KIAA0232: variants seen among roughly 807,000 people sequenced by gnomAD.
KIAA0232 encodes KIAA0232, also known as uncharacterized protein KIAA0232.
Under a neutral mutation model 122.0 loss-of-function variants are expected in KIAA0232, and 27 were observed. The observed-to-expected ratio is 0.22, with a 90% CI of 0.16 to 0.31. KIAA0232 has a LOEUF of 0.31. KIAA0232 is among the 10% of genes least tolerant of loss of function. The probability of loss-of-function intolerance (pLI) is 1.00; values close to 1 mark genes in which losing one functional copy is unlikely to be tolerated. For synonymous variants in KIAA0232, 613 were observed against 587.6 expected (o/e 1.04, Z -0.63); for missense variants, 1,551 against 1,634.2 (o/e 0.95, Z 0.88).
In KIAA0232 at chr4:6,876,630, CTT is replaced by C. The variant is rs765284293; in HGVS notation, c.3911-27_3911-26del. On this transcript the variant is annotated intron_variant, in intron 8 of 9. Coordinates refer to ENST00000307659, the MANE Select transcript of KIAA0232 (RefSeq NM_014743.3). Reference sequence around the variant, plus strand: ...CTTAATGGAATTTCCCCCTTTCCCTCTTTTCCCTTCTCCATTCCAAATGATTA... The same window carrying C: ...CTTAATGGAATTTCCCCCTTTCCCTCTTCCCTTCTCCATTCCAAATGATTA... 2.8e-5 allele frequency: 40 copies of C among 1,418,080 alleles called. No individual in the cohort carries two copies. In the South Asian group the frequency reaches 4.5e-4, roughly 16 times the overall value. The allele number at this position is 1,418,080 out of a possible 1,614,324, so 87.8% of individuals were successfully genotyped here. A position where few individuals can be genotyped will look rare whatever the true frequency, so the allele number is the denominator to read the frequency against.
At chr4:6,830,767 CTTTT>C (rs1718933521) in intron 3 of KIAA0232, among the ~76,000 whole-genome samples, 1 of 152,066 alleles carries the variant, frequency 6.6e-6, no homozygotes, top group Admixed American at 6.6e-5. Flanking sequence ...GACTTACACC[CTTTT>C]TTGTGTATGT....
At chr4:6,818,756 C>T (rs976864041) in intron 2 of KIAA0232, among the ~76,000 whole-genome samples, 2 of 150,606 alleles carry the variant, frequency 1.3e-5, no homozygotes, top group Admixed American at 6.6e-5. Context: ...CAAAAAACAG[C>T]CAGAGTAGCC....
chr4:6,805,874 T>C (rs1717592375), intron 2 of KIAA0232, among the ~76,000 whole-genome samples: 2 of 152,216 alleles, frequency 1.3e-5, no homozygotes, highest in Admixed American at 6.5e-5. Context: ...TTTTTCCTAA[T>C]TGAAATTTTT....
chr4:6,870,774 C>T (rs1721433468), intron 7 of KIAA0232, among the ~76,000 whole-genome samples: 1 of 151,458 alleles, frequency 6.6e-6, no homozygotes, highest in African/African-American at 2.4e-5. Context: ...TGCACTCCAG[C>T]CTGGGTGACA....
chr4:6,814,569 A>T (rs1387983876), intron 2 of KIAA0232, among the ~76,000 whole-genome samples: 1 of 152,168 alleles, frequency 6.6e-6, no homozygotes, highest in Non-Finnish European at 1.5e-5. Flanking sequence ...AGAAATGCAC[A>T]TACCCCAAAA....
Position 6,855,328 on chromosome 4 carries a change from TCCA to T in KIAA0232, c.370-1833_370-1831del, listed in dbSNP as rs1720514181. On this transcript the variant is annotated intron_variant, in intron 4 of 9. Coordinates refer to ENST00000307659, the MANE Select transcript of KIAA0232 (RefSeq NM_014743.3). The surrounding 1 kb of genome is among the most constrained non-coding windows in gnomAD (Gnocchi z 4.3). ...GTCTTGAACTCCTGACCTCAAGTGA[TCCA>T]CCCACCTTGGCCTCCCAAAGTGCTG... Among the ~76,000 whole-genome samples, 1 of 152,068 alleles carries T rather than the reference TCCA, an allele frequency of 6.6e-6. No individual in the cohort carries two copies. Among genetic ancestry groups the T allele is most frequent in the South Asian group, 2.1e-4 (1 of 4,834 alleles).
chr4:6,835,267 C>T (rs182458849), intron 3 of KIAA0232, among the ~76,000 whole-genome samples: 1 of 152,192 alleles, frequency 6.6e-6, no homozygotes, highest in Admixed American at 6.5e-5. Context: ...TACCACCGAG[C>T]CTTGAAAGTC....
intron 1 of KIAA0232, among the ~76,000 whole-genome samples, chr4:6,794,173 G>A (rs1484787379): frequency 6.6e-6 from 1 of 152,196 alleles, no homozygotes; most frequent in Non-Finnish European, 1.5e-5. Flanking sequence ...GAGTGGCTAG[G>A]AACAGCCTCA....
At chr4:6,841,691 G>GA (rs2109136654) in intron 3 of KIAA0232, among the ~76,000 whole-genome samples, 1 of 152,038 alleles carries the variant, frequency 6.6e-6, no homozygotes, top group East Asian at 1.9e-4. Context: ...ATGAAATTAA[G>GA]AAAAAACTCC....
In KIAA0232 at chr4:6,823,211, C is replaced by G. The variant is rs1033122409; in HGVS notation, c.-269-974C>G. On this transcript the variant is annotated intron_variant, in intron 2 of 9. Coordinates refer to ENST00000307659, the MANE Select transcript of KIAA0232 (RefSeq NM_014743.3). ...CATTTGGGTTGGTTCCAAGTCTTTG[C>G]TATTGTGAATAATGCCGCAGTAAAC... 4.6e-5 allele frequency among the ~76,000 whole-genome samples: 7 copies of G among 151,852 alleles called. No homozygotes were observed. In the South Asian group the frequency reaches 1.5e-3, roughly 32 times the overall value.
intron 4 of KIAA0232, among the ~76,000 whole-genome samples, chr4:6,851,041 A>T (rs1269827294): frequency 6.6e-6 from 1 of 152,268 alleles, no homozygotes; most frequent in Non-Finnish European, 1.5e-5. Context: ...CTTAGGCATC[A>T]GATTCCTTGA....
At chr4:6,799,161 A>G (rs561758716) in intron 1 of KIAA0232, among the ~76,000 whole-genome samples, 5 of 151,712 alleles carry the variant, frequency 3.3e-5, no homozygotes, top group South Asian at 2.1e-4. Flanking sequence ...GCATTGGTAC[A>G]TTACTGCAGT....
intron 9 of KIAA0232, among the ~76,000 whole-genome samples, chr4:6,879,597 TG>T (rs781196982): frequency 1.3e-5 from 2 of 152,110 alleles, no homozygotes. Flanking sequence ...GGAAATGAGG[TG>T]GGAGTGCTGC....
At chr4:6,825,299 C>G (rs760156811) in intron 3 of KIAA0232, among the ~76,000 whole-genome samples, 71 of 152,190 alleles carry the variant, frequency 4.7e-4, no homozygotes, top group African/African-American at 1.7e-3. Flanking sequence ...ACTTAGAGTC[C>G]CAACACTTTG....
intron 2 of KIAA0232, among the ~76,000 whole-genome samples, chr4:6,818,232 C>G (rs1279105123): frequency 6.6e-6 from 1 of 151,836 alleles, no homozygotes; most frequent in Non-Finnish European, 1.5e-5. Context: ...GAAACCCCGT[C>G]TCTACTAAAA....
intron 1 of KIAA0232, among the ~76,000 whole-genome samples, chr4:6,783,449 G>T (rs1164757005): frequency 6.6e-6 from 1 of 152,226 alleles, no homozygotes; most frequent in Non-Finnish European, 1.5e-5. Context: ...AGGACGTAGA[G>T]CCCCGAAAGT....
At chr4:6,814,506 A>G (rs1393787119) in intron 2 of KIAA0232, among the ~76,000 whole-genome samples, 1 of 152,198 alleles carries the variant, frequency 6.6e-6, no homozygotes, top group Non-Finnish European at 1.5e-5. Flanking sequence ...GCATATAAAA[A>G]CAATTTGAGT....
intron 7 of KIAA0232, chr4:6,866,054 T>C (rs945522052): frequency 5.3e-6 from 1 of 187,776 alleles, no homozygotes; most frequent in Non-Finnish European, 9.9e-6. Context: ...TAGAGACCCG[T>C]AGAGGATGAA....
chr4:6,783,489 G>T (rs1716454982), intron 1 of KIAA0232, among the ~76,000 whole-genome samples: 1 of 152,188 alleles, frequency 6.6e-6, no homozygotes, highest in Non-Finnish European at 1.5e-5. Context: ...CGGCCGGTGG[G>T]AGGCGCCCGG....
Sources: allele counts gnomAD v4.1 joint callset (sites outside exome capture counted in the v4.1 genomes callset), GRCh38; gene constraint gnomAD v4.1.1; non-coding constraint Gnocchi (gnomAD v3.1); transcripts MANE v1.5; gene names NCBI Gene and HGNC (gene_info 2026-07-23, HGNC 2026-07-21).